The following DPYD variants were observed in gnomAD, a reference collection of about 807,000 sequenced individuals.
The protein encoded by DPYD is dihydropyrimidine dehydrogenase [NADP(+)].
DPYD carries 109 observed loss-of-function variants against 116.2 expected under a neutral mutation model. The observed-to-expected ratio is 0.94, with a 90% CI of 0.80 to 1.10. The LOEUF is 1.10. Among genes scored for constraint, DPYD ranks in the 50% least tolerant of loss-of-function variants. The pLI, the probability that DPYD is intolerant of heterozygous loss-of-function variation, is 0.00. For synonymous variants in DPYD, 440 were observed against 432.0 expected (o/e 1.02, Z -0.23); for missense variants, 1,302 against 1,254.5 (o/e 1.04, Z -0.57).
rs1656771697 is a variant in DPYD at position 97,172,207 on chromosome 1, G to GAGA, written c.2622+20859_2622+20861dup. Among the ~76,000 whole-genome samples the GAGA allele has an allele frequency of 2.6e-5, 4 of 152,258 alleles. No homozygotes were observed. In the South Asian group the frequency reaches 8.3e-4, roughly 32 times the overall value. ...GGCTCTCTGGTCTCTAGCCAGTGGG[G>GAGA]AGAAGGAGATTTCGATTTTATAAAC... On this transcript the variant is annotated intron_variant, in intron 20 of 22. Coordinates refer to ENST00000370192, the MANE Select transcript of DPYD (RefSeq NM_000110.4).
chr1:97,223,275 G>A (rs4415625), intron 19 of DPYD, among the ~76,000 whole-genome samples: 17,917 of 151,836 alleles, frequency 0.12, 1,302 homozygotes, highest in East Asian at 0.25. Context: ...GCGAGTGGCC[G>A]TCATGTGACC....
intron 8 of DPYD, among the ~76,000 whole-genome samples, chr1:97,664,574 TA>T (rs767156591): frequency 1.3e-5 from 2 of 152,022 alleles, no homozygotes; most frequent in African/African-American, 2.4e-5. Flanking sequence ...ACCTTGGGTA[TA>T]AAAACTATAA....
intron 5 of DPYD, 52 bp from the exon 6 acceptor site, chr1:97,699,599 TCAAA>T: frequency 1.3e-6 from 2 of 1,536,044 alleles, no homozygotes; most frequent in Non-Finnish European, 1.8e-6. Flanking sequence ...GCTTACATCC[TCAAA>T]CATATTTTTA....
chr1:97,417,679 T>A (rs1674359575), intron 14 of DPYD, among the ~76,000 whole-genome samples: 2 of 152,218 alleles, frequency 1.3e-5, no homozygotes, highest in South Asian at 4.1e-4. Flanking sequence ...TTTTCAATAT[T>A]GAAATACAAA....
At chr1:97,663,735 T>G (rs1659397392) in intron 8 of DPYD, among the ~76,000 whole-genome samples, 1 of 152,204 alleles carries the variant, frequency 6.6e-6, no homozygotes, top group Non-Finnish European at 1.5e-5. Flanking sequence ...CTGAATCTGG[T>G]CCTGGTTTGT....
chr1:97,315,609 C>T (rs1216955534), intron 16 of DPYD, among the ~76,000 whole-genome samples: 1 of 151,950 alleles, frequency 6.6e-6, no homozygotes, highest in East Asian at 1.9e-4. Context: ...GAGGATTACG[C>T]TATATTCTAG....
intron 4 of DPYD, among the ~76,000 whole-genome samples, chr1:97,724,784 C>T (rs1370308808): frequency 1.3e-5 from 2 of 151,464 alleles, no homozygotes; most frequent in Non-Finnish European, 3.0e-5. Context: ...TTCAATCAAT[C>T]GGACACATAA....
chr1:97,833,213 C>T (rs1669618652), intron 2 of DPYD, among the ~76,000 whole-genome samples: 1 of 151,892 alleles, frequency 6.6e-6, no homozygotes, highest in South Asian at 2.1e-4. Context: ...AATGGCATAG[C>T]TACTGGAGTT....
chr1:97,772,669 T>G lies in DPYD; in HGVS notation c.234-32190A>C, dbSNP rs116854396. On this transcript the variant is annotated intron_variant, in intron 3 of 22. Coordinates refer to ENST00000370192, the MANE Select transcript of DPYD (RefSeq NM_000110.4). ...ACAGGAAAATTGAGCCAAAGCATAT[T>G]CAGTATAGAAGAATCTCATACATGC... 1.2e-3 allele frequency among the ~76,000 whole-genome samples: 181 copies of G among 152,268 alleles called. 4 individuals carry two copies. In the East Asian group the frequency reaches 0.033, roughly 27 times the overall value.
chr1:97,641,856 G>A (rs562697924), intron 8 of DPYD, among the ~76,000 whole-genome samples: 29 of 152,218 alleles, frequency 1.9e-4, no homozygotes, highest in Admixed American at 5.2e-4. Context: ...AAACCCCATC[G>A]TCTCAGCCCA....
At chr1:97,203,695 AGTCTATAGGG>A (rs1316627003) in intron 19 of DPYD, among the ~76,000 whole-genome samples, 2 of 120,960 alleles carry the variant, frequency 1.7e-5, no homozygotes, top group African/African-American at 3.1e-5. Flanking sequence ...AAAGAGAAAA[AGTCTATAGGG>A]AAAATTAACG....
intron 16 of DPYD, among the ~76,000 whole-genome samples, chr1:97,349,211 T>G (rs144336709): frequency 2.0e-5 from 3 of 152,248 alleles, no homozygotes; most frequent in Admixed American, 6.5e-5. Flanking sequence ...CTTAAAATGT[T>G]AACCATTTCC....
At chr1:97,141,635 A>G (rs1015261582) in intron 20 of DPYD, among the ~76,000 whole-genome samples, 1 of 152,100 alleles carries the variant, frequency 6.6e-6, no homozygotes, top group Non-Finnish European at 1.5e-5. Flanking sequence ...ATCACCGAAT[A>G]TACTATCATT....
At chr1:97,842,729 T>G (rs1479769172) in intron 2 of DPYD, among the ~76,000 whole-genome samples, 1 of 152,050 alleles carries the variant, frequency 6.6e-6, no homozygotes, top group Non-Finnish European at 1.5e-5. Context: ...GGAAGGGGCT[T>G]TAAGAATGCA....
intron 20 of DPYD, among the ~76,000 whole-genome samples, chr1:97,110,994 C>T (rs1031648136): frequency 6.9e-6 from 1 of 144,738 alleles, no homozygotes; most frequent in Non-Finnish European, 1.5e-5. Flanking sequence ...ATAGAGAGAC[C>T]CCATCTCTAT....
intron 1 of DPYD, among the ~76,000 whole-genome samples, chr1:97,907,797 C>A (rs1159892245): frequency 6.6e-6 from 1 of 151,812 alleles, no homozygotes; most frequent in Non-Finnish European, 1.5e-5. Flanking sequence ...AATTTGTATT[C>A]ATTTTCTTGG....
chr1:97,883,113 T>G, intron 2 of DPYD, 151 bp downstream of exon 2: 1 of 580,294 alleles, frequency 1.7e-6, no homozygotes, highest in Non-Finnish European at 3.0e-6. Context: ...AAAATACACT[T>G]TCAAACTTTT....
At chr1:97,843,774 T>A (rs936629249) in intron 2 of DPYD, among the ~76,000 whole-genome samples, 10 of 152,214 alleles carry the variant, frequency 6.6e-5, no homozygotes, top group Non-Finnish European at 8.8e-5. Flanking sequence ...TTTACAATAC[T>A]TTTAGAGTTT....
At position 97,864,950 on chromosome 1, in the gene DPYD, A is replaced by G. The variant is rs2101601941; in HGVS notation, c.150+18314T>C. Among the ~76,000 whole-genome samples, 3 of 151,944 alleles carry G rather than the reference A, an allele frequency of 2.0e-5. No homozygotes were observed. In the Middle Eastern group the frequency reaches 0.01, roughly 517 times the overall value. ...GGGCAAGAGATTTATTTAGCTGGTT[A>G]TATCTGTGAATGCTTCTAGTTGTAA... On this transcript the variant is annotated intron_variant, in intron 2 of 22. Transcript: ENST00000370192.
Sources: gnomAD v4.1 joint callset for allele counts (sites outside exome capture counted in the v4.1 genomes callset) on GRCh38, gnomAD v4.1.1 for gene constraint, MANE v1.5 for transcripts, NCBI Gene and HGNC (gene_info 2026-07-23, HGNC 2026-07-21) for gene names.